The following ZBTB20 variants were observed in gnomAD, a reference collection of about 807,000 sequenced individuals.
The protein encoded by ZBTB20 is zinc finger and BTB domain containing 20.
Under a neutral mutation model 56.9 loss-of-function variants are expected in ZBTB20, and 9 were observed. The ratio of observed to expected loss-of-function variants is 0.16; its 90% CI spans 0.10 to 0.28. The LOEUF is 0.28. Among genes scored for constraint, ZBTB20 ranks in the 10% least tolerant of loss-of-function variants. ZBTB20 has a pLI of 1.00. For synonymous variants in ZBTB20, 417 were observed against 420.7 expected (o/e 0.99, Z 0.11); for missense variants, 655 against 1,003.0 (o/e 0.65, Z 4.69).
At chr3:115,015,748 T>A (rs1283328467) in intron 2 of ZBTB20, among the ~76,000 whole-genome samples, 3 of 151,964 alleles carry the variant, frequency 2.0e-5, no homozygotes. Context: ...ATTCCATGTC[T>A]CTGTTATTGT....
chr3:115,007,077 A>G (rs1291086636), intron 2 of ZBTB20, among the ~76,000 whole-genome samples: 2 of 151,846 alleles, frequency 1.3e-5, no homozygotes, highest in Non-Finnish European at 2.9e-5. Context: ...AGTTCTATCT[A>G]TATTTCTTTC....
chr3:114,732,198 T>A (rs2065812226), intron 5 of ZBTB20, among the ~76,000 whole-genome samples: 1 of 152,172 alleles, frequency 6.6e-6, no homozygotes, highest in African/African-American at 2.4e-5. Context: ...ATCAGAAGAT[T>A]TCCACATCTC....
intron 5 of ZBTB20, among the ~76,000 whole-genome samples, chr3:114,740,746 A>G (rs993148290): frequency 3.3e-5 from 5 of 152,176 alleles, no homozygotes; most frequent in African/African-American, 1.2e-4. Flanking sequence ...TTTTCTCATG[A>G]TATCTTTTGA....
chr3:114,399,536 T>C (rs1327614277), intron 7 of ZBTB20, among the ~76,000 whole-genome samples: 2 of 152,168 alleles, frequency 1.3e-5, no homozygotes, highest in African/African-American at 4.8e-5. Flanking sequence ...ATTGGAATTT[T>C]TATTGCAGGA....
At chr3:114,744,162 T>C (rs1323774114) in intron 5 of ZBTB20, among the ~76,000 whole-genome samples, 5 of 152,218 alleles carry the variant, frequency 3.3e-5, no homozygotes, top group African/African-American at 1.2e-4. Context: ...TTTTGGATTT[T>C]AAAACAGATT....
intron 3 of ZBTB20, among the ~76,000 whole-genome samples, chr3:114,973,410 A>G (rs769486741): frequency 7.9e-5 from 12 of 152,152 alleles, no homozygotes; most frequent in Non-Finnish European, 1.6e-4. Flanking sequence ...ATGAGAATGA[A>G]GTTTTTTTCA....
intron 2 of ZBTB20, among the ~76,000 whole-genome samples, chr3:115,013,748 T>C (rs1274691437): frequency 6.6e-6 from 1 of 151,644 alleles, no homozygotes; most frequent in Non-Finnish European, 1.5e-5. Context: ...CAAATGGCTT[T>C]GATCCAAAAG....
intron 4 of ZBTB20, among the ~76,000 whole-genome samples, chr3:114,881,129 A>C (rs1384273533): frequency 6.6e-6 from 1 of 152,098 alleles, no homozygotes; most frequent in Non-Finnish European, 1.5e-5. Context: ...TACAGATGTA[A>C]ATATAATAGA....
chr3:115,119,765 GC>G (rs1192015125), intron 1 of ZBTB20, among the ~76,000 whole-genome samples: 1 of 152,098 alleles, frequency 6.6e-6, no homozygotes, highest in Non-Finnish European at 1.5e-5. Flanking sequence ...CCGATTCCTT[GC>G]TTTTACCGTA....
At chr3:114,786,512 T>C (rs954957066) in intron 5 of ZBTB20, among the ~76,000 whole-genome samples, 1 of 152,070 alleles carries the variant, frequency 6.6e-6, no homozygotes, top group African/African-American at 2.4e-5. Context: ...ACTAAAAAAT[T>C]GAATTAATAT....
intron 5 of ZBTB20, among the ~76,000 whole-genome samples, chr3:114,770,284 C>CA (rs2069106557): frequency 6.6e-6 from 1 of 151,214 alleles, no homozygotes; most frequent in Non-Finnish European, 1.5e-5. Context: ...AGTAAAAATA[C>CA]AAAAAATTAG....
chr3:114,478,460 A>G (rs1359413810), intron 7 of ZBTB20, among the ~76,000 whole-genome samples: 1 of 152,248 alleles, frequency 6.6e-6, no homozygotes. Context: ...GTAGTACTCC[A>G]TAACAAGCTG....
At chr3:114,780,217 T>A (rs1461185412) in intron 5 of ZBTB20, among the ~76,000 whole-genome samples, 2 of 152,208 alleles carry the variant, frequency 1.3e-5, no homozygotes, top group Admixed American at 1.3e-4. Flanking sequence ...ACTTTTAAGA[T>A]CATGTAATCC....
intron 2 of ZBTB20, among the ~76,000 whole-genome samples, chr3:115,036,405 T>C (rs1230518287): frequency 6.6e-6 from 1 of 152,040 alleles, no homozygotes; most frequent in Non-Finnish European, 1.5e-5. Flanking sequence ...GTTCAAGTGA[T>C]TCTCCTGCAT....
chr3:114,525,987 AT>A (rs1055263421), intron 6 of ZBTB20, among the ~76,000 whole-genome samples: 1 of 152,302 alleles, frequency 6.6e-6, no homozygotes, highest in African/African-American at 2.4e-5. Flanking sequence ...TCTCTTGGCA[AT>A]TTTAGTATAT....
At chr3:114,544,469 C>A (rs868622748) in intron 6 of ZBTB20, among the ~76,000 whole-genome samples, 2 of 77,422 alleles carry the variant, frequency 2.6e-5, no homozygotes, top group Non-Finnish European at 2.6e-5. Context: ...TTCTTTCTTT[C>A]TTTCTTTCTT....
chr3:114,798,542 T>C (rs2071490764), intron 5 of ZBTB20, among the ~76,000 whole-genome samples: 1 of 151,804 alleles, frequency 6.6e-6, no homozygotes, highest in African/African-American at 2.4e-5. Context: ...AGCCTCAGAT[T>C]GTAAATTCAG....
intron 3 of ZBTB20, among the ~76,000 whole-genome samples, chr3:114,962,103 C>T (rs1460916174): frequency 2.0e-5 from 3 of 152,010 alleles, no homozygotes; most frequent in Admixed American, 6.6e-5. Flanking sequence ...AATTGAACTC[C>T]ACTTCCACTA....
intron 8 of ZBTB20, among the ~76,000 whole-genome samples, chr3:114,384,095 T>A (rs1434082046): frequency 8.1e-4 from 78 of 95,850 alleles, no homozygotes; most frequent in Non-Finnish European, 3.4e-4. Context: ...TCTTTTCAGT[T>A]CTCATTCTCT....
Sources: gnomAD v4.1 joint callset for allele counts (sites outside exome capture counted in the v4.1 genomes callset) on GRCh38, gnomAD v4.1.1 for gene constraint, MANE v1.5 for transcripts, NCBI Gene and HGNC (gene_info 2026-07-23, HGNC 2026-07-21) for gene names.